DNAH1: variants seen among roughly 807,000 people sequenced by gnomAD.
DNAH1 encodes dynein axonemal heavy chain 1.
A neutral mutation model predicts 484.3 loss-of-function variants in DNAH1; 327 were observed. The observed-to-expected ratio is 0.68, with a 90% CI of 0.62 to 0.74. The LOEUF (loss-of-function observed/expected upper bound fraction) is 0.74, where lower values mean the gene tolerates loss of function less well. DNAH1 is among the 30% of genes least tolerant of loss of function. The pLI is 0.00. For missense variants in DNAH1, 5,052 were observed against 5,546.8 expected, an observed-to-expected ratio of 0.91 and a Z score of 2.83; for synonymous variants, 2,192 against 2,191.9, an observed-to-expected ratio of 1.00 and a Z score of 0.00.
intron 7 of DNAH1, among the ~76,000 whole-genome samples, 184 bp from the exon 8 acceptor site, chr3:52,331,958 C>T (rs1456153846): frequency 6.6e-6 from 1 of 152,190 alleles, no homozygotes; most frequent in Non-Finnish European, 1.5e-5. Flanking sequence ...GTCCATGACA[C>T]CTTGTGAGAT....
chr3:52,361,529 T>C lies in DNAH1; in HGVS notation c.4875-132T>C. 8.0e-7 allele frequency: 1 copy of C among 1,248,452 alleles called. No individual in the cohort carries two copies. The highest frequency in any genetic ancestry group is 1.1e-6 in the Non-Finnish European group (1 of 894,518). The allele number at this position is 1,248,452 out of a possible 1,614,324, so 77.3% of individuals were successfully genotyped here. A position where few individuals can be genotyped will look rare whatever the true frequency, so the allele number is the denominator to read the frequency against. ...CATTGGGGTGGGGAGTGGCAGTGGG[T>C]TGAAGACTGAGCTGATGGAGATTGC... is the stretch of plus-strand genomic sequence containing the variant. On this transcript the variant is annotated intron_variant, in intron 29 of 77. Transcript: ENST00000420323. The surrounding 1 kb of genome is among the most constrained non-coding windows in gnomAD (Gnocchi z 5.6).
In DNAH1 at chr3:52,357,941, C is replaced by G; in HGVS notation, c.4024C>G (p.Gln1342Glu). Residue 1342 changes from glutamine (Q) to glutamate (E), a missense_variant, in exon 24 of 78, where the codon CAG becomes GAG. By Grantham distance (29) the Gln-to-Glu change is conservative. Around this residue, in one of 4 missense-constraint regions of DNAH1, gnomAD observed 2,929 missense variants for 3,409.4 expected, o/e 0.86. Coordinates refer to ENST00000420323, the MANE Select transcript of DNAH1 (RefSeq NM_015512.5). ...SDDELLEILS[Q>E]TKDPTAVQPH... ...TGATGAACTACTAGAGATCTTGTCG[C>G]AGACAAAGGACCCCACGGCCGTGCA... 3 of 1,613,278 alleles carry G rather than the reference C, an allele frequency of 1.9e-6. No homozygotes were observed. Among genetic ancestry groups the G allele is most frequent in the Non-Finnish European group, 1.7e-6 (2 of 1,179,794 alleles).
In DNAH1 at chr3:52,350,553, T is replaced by A. The variant is rs2153223966; in HGVS notation, c.2692T>A (p.Phe898Ile). 1.2e-6 allele frequency: 2 copies of A among 1,613,956 alleles called. No homozygotes were observed. Among genetic ancestry groups the A allele is most frequent in the Non-Finnish European group, 1.7e-6 (2 of 1,179,854 alleles). Reference sequence around the variant, plus strand: ...GGATGACTACCAGGTCATGGATGAATTCCTCTACAACCTCAGCTCAGATGA... The same window carrying A: ...GGATGACTACCAGGTCATGGATGAAATCCTCTACAACCTCAGCTCAGATGA... ...VMDDYQVMDE[F>I]LYNLSSDDFN... The change falls in exon 16 of 78, where the codon TTC (phenylalanine) becomes ATC (isoleucine). Residue 898 changes from phenylalanine (F) to isoleucine (I), a missense_variant. This residue lies in a region of DNAH1 where 1,263 missense variants were observed against 1,218.8 expected (regional missense o/e 1.04). Coordinates refer to ENST00000420323, the MANE Select transcript of DNAH1 (RefSeq NM_015512.5).
Position 52,322,655 on chromosome 3 carries a change from C to G in DNAH1, c.213C>G (p.Leu71=). Residue 71 remains leucine (L), a synonymous_variant, in exon 2 of 78, where the codon CTC becomes CTG. Transcript: ENST00000420323. ...CCCTGCCCCCGGCCCCACCCACACT[C>G]TCAGACTTGGGGCAGCCACGGAAGT... The part of the protein sequence containing the change: ...HLPLPPAPPT[L]SDLGQPRKSP... The G allele has an allele frequency of 5.6e-6, 9 of 1,613,954 alleles. No homozygotes were observed. The highest frequency in any genetic ancestry group is 1.6e-4 in the Middle Eastern group (1 of 6,062).
chr3:52,380,778 G>A (rs1189326692), intron 48 of DNAH1, among the ~76,000 whole-genome samples: 1 of 152,206 alleles, frequency 6.6e-6, no homozygotes, highest in Non-Finnish European at 1.5e-5. Context: ...GATCAGCCGA[G>A]CCCATGATTG....
Position 52,345,654 on chromosome 3 carries a change from A to G in DNAH1, c.1604A>G (p.Lys535Arg). 2.5e-6 allele frequency: 4 copies of G among 1,613,104 alleles called. No homozygotes were observed. The highest frequency in any genetic ancestry group is 3.4e-6 in the Non-Finnish European group (4 of 1,179,518). The change falls in exon 10 of 78, where the codon AAG (lysine) becomes AGG (arginine). Residue 535 changes from lysine to arginine, a missense_variant. Lys to Arg is a conservative substitution (Grantham distance 26). Transcript: ENST00000420323. ...AMSLFHSSLSKYSHLEEFEQI... is the reference protein window; with the variant it reads ...AMSLFHSSLSRYSHLEEFEQI... ...TCCCTGTTCCACTCGAGCCTCTCCA[A>G]GTACAGCCACCTGGAGGAATTTGAG...
chr3:52,395,215 C>T lies in DNAH1; in HGVS notation c.10969-93C>T. 6.6e-7 allele frequency: 1 copy of T among 1,507,274 alleles called. No homozygotes were observed. Among genetic ancestry groups the T allele is most frequent in the Non-Finnish European group, 8.9e-7 (1 of 1,118,470 alleles). 93.4% of individuals were successfully genotyped at this position (1,507,274 alleles called of 1,614,324 possible). A position where few individuals can be genotyped will look rare whatever the true frequency, so the allele number is the denominator to read the frequency against. On this transcript the variant is annotated intron_variant, in intron 68 of 77. Transcript: ENST00000420323. This position sits in a 1 kb window ranked among gnomAD's most constrained non-coding sequence, Gnocchi z 4.4. ...GTTCCAGCCCCCACCAGGAAGCCCA[C>T]TGGGGACCACTCTGAGAACCCCAGA...
At chr3:52,323,470 T>G (rs9834363) in intron 2 of DNAH1, among the ~76,000 whole-genome samples, 1,718 of 152,262 alleles carry the variant, frequency 0.011, 35 homozygotes, top group African/African-American at 0.039. Flanking sequence ...CCAGTGGCCC[T>G]TGGGAGAGGA....
rs764900562 is a variant in DNAH1 at position 52,346,589 on chromosome 3, C to T, written c.1774C>T (p.Leu592Phe). The T allele has an allele frequency of 2.5e-6, 4 of 1,614,026 alleles. No homozygotes were observed. Among genetic ancestry groups the T allele is most frequent in the East Asian group, 4.5e-5 (2 of 44,892 alleles). The part of the protein sequence containing the change: ...NLYETNWEVY[L>F]MSKLRKLMEL... ...CTACGAGACCAACTGGGAGGTGTACCTCATGTCCAAGCTGCGCAAGCTGAT... is the reference window on the plus strand; with the variant it reads ...CTACGAGACCAACTGGGAGGTGTACTTCATGTCCAAGCTGCGCAAGCTGAT... Residue 592 changes from leucine to phenylalanine, a missense_variant, in exon 11 of 78, where the codon CTC (leucine) becomes TTC (phenylalanine). Leu to Phe is a conservative substitution (Grantham distance 22). Transcript: ENST00000420323.
intron 45 of DNAH1, 78 bp from the exon 46 acceptor site, chr3:52,375,877 C>G (rs1274173218): frequency 1.9e-6 from 3 of 1,540,188 alleles, no homozygotes; most frequent in Non-Finnish European, 2.7e-6. Context: ...CTGTTTCCCC[C>G]ACCATCTCAC....
chr3:52,345,483 CT>C lies in DNAH1; in HGVS notation c.1445-11del. ...AGGGTCTGATACTGGCCCTTGGCCC[CT>C]ATCCCTGCAGGGCTGGTGAGTGTCC... On this transcript the variant is annotated splice_polypyrimidine_tract_variant and intron_variant, in intron 9 of 77. Coordinates refer to ENST00000420323, the MANE Select transcript of DNAH1 (RefSeq NM_015512.5). 6.4e-7 allele frequency: 1 copy of C among 1,555,624 alleles called. No homozygotes were observed. The highest frequency in any genetic ancestry group is 1.4e-5 in the African/African-American group (1 of 73,430).
At position 52,383,337 on chromosome 3, in the gene DNAH1, T is replaced by G. The variant is rs150888531; in HGVS notation, c.7942-49T>G. On this transcript the variant is annotated intron_variant, in intron 50 of 77. Transcript: ENST00000420323. ...AAGGTCCAGCGAGACTGTGGTCATA[T>G]AGTCCAACATGCAGGGGCTTAGCTC... is the stretch of plus-strand genomic sequence containing the variant. 8,547 of 1,538,274 alleles carry G rather than the reference T, an allele frequency of 5.6e-3. 67 individuals are homozygous for G. Among genetic ancestry groups the G allele is most frequent in the South Asian group, 0.023 (1,980 of 86,288 alleles).
intron 41 of DNAH1, among the ~76,000 whole-genome samples, 193 bp downstream of exon 41, chr3:52,371,018 T>C (rs1366639088): frequency 6.6e-6 from 1 of 152,250 alleles, no homozygotes; most frequent in African/African-American, 2.4e-5. Flanking sequence ...TTTCCAGATG[T>C]GGCAGAGCTG....
chr3:52,347,840 C>A lies in DNAH1; in HGVS notation c.1972C>A (p.Leu658Met). The A allele has an allele frequency of 6.3e-7, 1 of 1,594,494 alleles. No homozygotes were observed. Among genetic ancestry groups the A allele is most frequent in the African/African-American group, 1.3e-5 (1 of 74,672 alleles). ...TGCCTGCAGGCCCCGGAAGAATCCC[C>A]TGTTCATCATGGACCTGGTGCTGGA... ...NSPYRPRKNP[L>M]FIMDLVLDSS... The change falls in exon 12 of 78, where the codon CTG (leucine) becomes ATG (methionine). Residue 658 changes from leucine to methionine, a missense_variant. Physicochemically the swap from Leu to Met is conservative, Grantham distance 15 (BLOSUM62 2). Around this residue, in one of 4 missense-constraint regions of DNAH1, gnomAD observed 1,263 missense variants for 1,218.8 expected, o/e 1.04. Transcript: ENST00000420323.
Position 52,326,833 on chromosome 3 carries a change from A to G in DNAH1, c.680A>G (p.His227Arg), listed in dbSNP as rs1701362526. The G allele has an allele frequency of 6.2e-7, 1 of 1,613,038 alleles. No homozygotes were observed. Among genetic ancestry groups the G allele is most frequent in the Non-Finnish European group, 8.5e-7 (1 of 1,179,656 alleles). ...KLMPRHLDHQ[H>R]PQTIEQGHDP... ...ATGCCCAGGCACCTGGACCACCAGC[A>G]CCCCCAAACCATCGAACAGGGCCAT... Residue 227 changes from histidine (H) to arginine (R), a missense_variant, in exon 5 of 78, where the codon CAC becomes CGC. Around this residue, in one of 4 missense-constraint regions of DNAH1, gnomAD observed 1,263 missense variants for 1,218.8 expected, o/e 1.04. Transcript: ENST00000420323.
rs1704102552 is a variant in DNAH1, at chr3:52,386,218, C to A, written c.8684C>A (p.Ala2895Asp). The change falls in exon 55 of 78, where the codon GCC (alanine) becomes GAC (aspartate). Residue 2895 changes from alanine (A) to aspartate (D), a missense_variant. Physicochemically the swap from Ala to Asp is moderately radical, Grantham distance 126. This residue lies in a region of DNAH1 where 2,929 missense variants were observed against 3,409.4 expected (regional missense o/e 0.86). Transcript: ENST00000420323. ...TCAGTGCAGACAGAGGAGATCAAAG[C>A]CAATGAGAAGGCCAAGAAGGCACAA... is the stretch of plus-strand genomic sequence containing the variant. ...RNSVQTEEIK[A>D]NEKAKKAQAI... is the part of the protein sequence containing the mutation. 1 of 1,613,740 alleles carries A rather than the reference C, an allele frequency of 6.2e-7. No individual in the cohort carries two copies.
At chr3:52,384,732 C>T in intron 52 of DNAH1, 54 bp from the exon 53 acceptor site, 1 of 1,495,124 alleles carries the variant, frequency 6.7e-7, no homozygotes, top group Non-Finnish European at 8.9e-7. Flanking sequence ...GCACCCAGTC[C>T]CTGTCTTTCC....
chr3:52,372,728 C>T (rs1703398425), intron 43 of DNAH1, among the ~76,000 whole-genome samples, 168 bp from the exon 44 acceptor site: 1 of 152,220 alleles, frequency 6.6e-6, no homozygotes, highest in African/African-American at 2.4e-5. Flanking sequence ...CCCAGCTGTC[C>T]CAGGACACTC....
upstream of DNAH1, among the ~76,000 whole-genome samples, chr3:52,313,953 C>A (rs760713759): frequency 2.0e-5 from 3 of 152,154 alleles, no homozygotes; most frequent in Non-Finnish European, 4.4e-5. Flanking sequence ...TCCAGGCCTC[C>A]TGCCCCGTCC....
Sources: gnomAD v4.1 joint callset for allele counts (sites outside exome capture counted in the v4.1 genomes callset) on GRCh38, gnomAD v4.1.1 for gene constraint, gnomAD v4.1.1 regional missense constraint, Gnocchi (gnomAD v3.1) non-coding constraint, MANE v1.5 for transcripts, NCBI Gene and HGNC (gene_info 2026-07-23, HGNC 2026-07-21) for gene names.